ARHGAP35: variants seen among roughly 807,000 people sequenced by gnomAD.
ARHGAP35 encodes Rho GTPase activating protein 35.
In ARHGAP35, 15 loss-of-function variants were observed where a neutral mutation model predicts 111.1. The observed-to-expected ratio is 0.13, with a 90% CI of 0.09 to 0.21. The LOEUF (loss-of-function observed/expected upper bound fraction) is 0.21. ARHGAP35 is among the 10% of genes least tolerant of loss of function. The probability of loss-of-function intolerance (pLI) is 1.00; values close to 1 mark genes in which losing one functional copy is unlikely to be tolerated. For missense variants in ARHGAP35, 1,262 were observed against 1,873.0 expected (o/e 0.67, Z 6.02); for synonymous variants, 643 against 710.3 (o/e 0.91, Z 1.51).
chr19:46,898,850 A>G (rs534776449), intron 1 of ARHGAP35, among the ~76,000 whole-genome samples: 1 of 152,216 alleles, frequency 6.6e-6, no homozygotes, highest in East Asian at 1.9e-4. Flanking sequence ...GGAACCCAGA[A>G]GCCAAAACTG....
intron 1 of ARHGAP35, among the ~76,000 whole-genome samples, chr19:46,866,581 A>G (rs2055858620): frequency 3.3e-5 from 5 of 152,168 alleles, no homozygotes; most frequent in African/African-American, 7.2e-5. Context: ...GTCCTGGGTC[A>G]CTTACCAAGT....
chr19:46,938,175 A>G (rs965040442), intron 3 of ARHGAP35, among the ~76,000 whole-genome samples: 1 of 151,992 alleles, frequency 6.6e-6, no homozygotes, highest in African/African-American at 2.4e-5. Context: ...CAGCCTTCCA[A>G]TCTGTTCTTT....
chr19:46,893,463 G>A (rs1009004438), intron 1 of ARHGAP35, among the ~76,000 whole-genome samples: 1 of 152,032 alleles, frequency 6.6e-6, no homozygotes, highest in Non-Finnish European at 1.5e-5. Context: ...TGGGTGGGAA[G>A]TTAGTCCTTT....
intron 5 of ARHGAP35, among the ~76,000 whole-genome samples, chr19:46,998,101 C>CA (rs797001984): frequency 2.5e-4 from 34 of 135,184 alleles, no homozygotes; most frequent in East Asian, 1.1e-3. Flanking sequence ...GACTCCGTCT[C>CA]AAAAAAAAAA....
chr19:46,906,285 G>C (rs1245618953), intron 1 of ARHGAP35, among the ~76,000 whole-genome samples: 2 of 152,270 alleles, frequency 1.3e-5, no homozygotes, highest in Non-Finnish European at 2.9e-5. Flanking sequence ...CTCCAGCGTG[G>C]GTGACAGAGT....
intron 3 of ARHGAP35, 142 bp from the exon 4 acceptor site, chr19:46,987,847 C>T (rs1201009125): frequency 1.7e-5 from 11 of 658,116 alleles, no homozygotes; most frequent in South Asian, 4.0e-5. Context: ...AAAAATCAAA[C>T]GAGAGTGTGC....
chr19:46,976,497 A>G lies in ARHGAP35; in HGVS notation c.3827-11492A>G, dbSNP rs563820500. Among the ~76,000 whole-genome samples the G allele has an allele frequency of 2.6e-5, 4 of 152,296 alleles. No homozygotes were observed. The South Asian group carries it at 8.3e-4, about 32-fold the overall frequency. On this transcript the variant is annotated intron_variant, in intron 3 of 6. Coordinates refer to ENST00000672722, the MANE Select transcript of ARHGAP35 (RefSeq NM_004491.5). ...AAGGAGAAGTAGAGCTTGTTTCACA[A>G]AGTAACCCTGGCCTTCCATCCAAGA... is the stretch of plus-strand genomic sequence containing the variant.
chr19:47,001,505 C>T lies in ARHGAP35; in HGVS notation c.*817C>T. Reference sequence around the variant, plus strand: ...AGGGAGGCACACAGGTGGAGCTGACCCTCGTCTTTGTGGCAGCAAAACCAG... The same window carrying T: ...AGGGAGGCACACAGGTGGAGCTGACTCTCGTCTTTGTGGCAGCAAAACCAG... On this transcript the variant is annotated 3_prime_UTR_variant, in exon 7 of 7. Transcript: ENST00000672722. The surrounding 1 kb of genome is among the most constrained non-coding windows in gnomAD (Gnocchi z 5.4). 1.1e-6 allele frequency: 1 copy of T among 929,938 alleles called. No individual in the cohort carries two copies. The highest frequency in any genetic ancestry group is 1.5e-6 in the Non-Finnish European group (1 of 683,652). 57.6% of individuals were successfully genotyped at this position (929,938 alleles called of 1,614,324 possible).
Position 46,877,615 on chromosome 19 carries a change from G to A in ARHGAP35, c.-189+16406G>A, listed in dbSNP as rs1329819445. Among the ~76,000 whole-genome samples, 11 of 152,128 alleles carry A rather than the reference G, an allele frequency of 7.2e-5. No individual in the cohort carries two copies. The East Asian group carries it at 1.5e-3, about 21-fold the overall frequency. On this transcript the variant is annotated intron_variant, in intron 1 of 6. Coordinates refer to ENST00000672722, the MANE Select transcript of ARHGAP35 (RefSeq NM_004491.5). ...AAAAAATAAAAGTTATCTTTATGCC[G>A]TACTGTAGTCTAAGTGTGCAGTATC...
At chr19:46,991,858 A>G (rs925865581) in intron 5 of ARHGAP35, among the ~76,000 whole-genome samples, 1 of 152,220 alleles carries the variant, frequency 6.6e-6, no homozygotes, top group African/African-American at 2.4e-5. Context: ...GGCTACATCA[A>G]CTTGACCAGT....
chr19:46,991,058 A>C (rs1435198708), intron 5 of ARHGAP35, among the ~76,000 whole-genome samples: 3 of 152,168 alleles, frequency 2.0e-5, no homozygotes, highest in African/African-American at 4.8e-5. Flanking sequence ...GACGGGAGTC[A>C]GGGTTTCTCC....
At chr19:46,923,127 C>G (rs1227140958) in intron 2 of ARHGAP35, among the ~76,000 whole-genome samples, 4 of 120,768 alleles carry the variant, frequency 3.3e-5, no homozygotes, top group Non-Finnish European at 6.5e-5. Context: ...TTTTTTGAGA[C>G]GGAGTCTCGC....
rs1276843119 is a variant in ARHGAP35, at chr19:46,945,402, TGTACCTCTCTG to T, written c.3826+7996_3826+8006del. On this transcript the variant is annotated intron_variant, in intron 3 of 6. Transcript: ENST00000672722. This position sits in a 1 kb window ranked among gnomAD's most constrained non-coding sequence, Gnocchi z 4.1. ...CAGGAAGTAGAATTATTCAATTCAG[TGTACCTCTCTG>T]GAATGGGGCAAGAGGTTACTTTTAG... Among the ~76,000 whole-genome samples, 3 of 152,170 alleles carry T rather than the reference TGTACCTCTCTG, an allele frequency of 2.0e-5. No homozygotes were observed. Among genetic ancestry groups the T allele is most frequent in the Non-Finnish European group, 4.4e-5 (3 of 68,018 alleles).
At chr19:46,948,715 C>G (rs918923753) in intron 3 of ARHGAP35, 1 of 152,186 alleles carries the variant, frequency 6.6e-6, no homozygotes, top group African/African-American at 2.4e-5. Flanking sequence ...AAAATGCACA[C>G]TAACCTACTA....
chr19:46,867,563 G>A (rs1258892823), intron 1 of ARHGAP35, among the ~76,000 whole-genome samples: 1 of 152,108 alleles, frequency 6.6e-6, no homozygotes, highest in Non-Finnish European at 1.5e-5. Flanking sequence ...TATACTAGTT[G>A]GTTCCCATTC....
chr19:46,893,887 T>TC (rs973778397), intron 1 of ARHGAP35, among the ~76,000 whole-genome samples: 13 of 89,270 alleles, frequency 1.5e-4, no homozygotes, highest in Non-Finnish European at 2.4e-4. Context: ...GTTCTTTCTC[T>TC]TTTTTTTTTT....
rs1568468265 is a variant in ARHGAP35 at position 46,921,438 on chromosome 19, C to T, written c.2763C>T (p.Ser921=). 1.2e-6 allele frequency: 2 copies of T among 1,613,946 alleles called. No homozygotes were observed. The highest frequency in any genetic ancestry group is 1.7e-5 in the Admixed American group (1 of 60,012). ...IAQEIDGRFT[S]IPCSQPQHKL... is the part of the protein sequence containing the mutation. ...AAGAAATTGACGGAAGGTTCACAAG[C>T]ATCCCCTGTAGCCAACCCCAGCATA... Residue 921 remains serine (S), a synonymous_variant, in exon 2 of 7, where the codon AGC becomes AGT. Transcript: ENST00000672722. This position sits in a 1 kb window ranked among gnomAD's most constrained non-coding sequence, Gnocchi z 4.3.
At chr19:46,889,394 G>T (rs2056012779) in intron 1 of ARHGAP35, among the ~76,000 whole-genome samples, 1 of 152,102 alleles carries the variant, frequency 6.6e-6, no homozygotes, top group Non-Finnish European at 1.5e-5. Context: ...GGGAGGTGGA[G>T]GTTGCAGTGA....
chr19:46,873,109 T>C (rs1003603232), intron 1 of ARHGAP35, among the ~76,000 whole-genome samples: 2 of 152,112 alleles, frequency 1.3e-5, no homozygotes, highest in African/African-American at 4.8e-5. Flanking sequence ...GAGTCTCTGC[T>C]CTCTGTTGAC....
Sources: allele counts gnomAD v4.1 joint callset (sites outside exome capture counted in the v4.1 genomes callset), GRCh38; gene constraint gnomAD v4.1.1; non-coding constraint Gnocchi (gnomAD v3.1); transcripts MANE v1.5; gene names NCBI Gene and HGNC (gene_info 2026-07-23, HGNC 2026-07-21).